Variants in RLIM observed in about 807,000 individuals in gnomAD.
RLIM encodes the protein ring finger protein, LIM domain interacting, also known as E3 ubiquitin-protein ligase RLIM.
RLIM carries 2 observed loss-of-function variants against 34.0 expected under a neutral mutation model. That is an observed-to-expected ratio of 0.06 (90% CI 0.02 to 0.19). The LOEUF is 0.19. RLIM is among the 10% of genes least tolerant of loss of function. The pLI is 1.00. For synonymous variants in RLIM, 169 were observed against 164.0 expected (o/e 1.03, Z -0.23); for missense variants, 286 against 479.7 (o/e 0.60, Z 3.77).
intron 1 of RLIM, among the ~76,000 whole-genome samples, chrX:74,610,396 G>A (rs1043766241): frequency 6.5e-5 from 7 of 107,633 alleles, no homozygotes; most frequent in African/African-American, 2.0e-4. Flanking sequence ...CAGCCTGGGC[G>A]ACAGAGCAAA....
chrX:74,599,424 C>T (rs915383747), intron 1 of RLIM, among the ~76,000 whole-genome samples: 8 of 111,903 alleles, frequency 7.1e-5, no homozygotes, highest in African/African-American at 2.6e-4. Flanking sequence ...ATGTTCCCCA[C>T]GAACACAACT....
chrX:74,603,927 A>C (rs1305005559), intron 1 of RLIM, among the ~76,000 whole-genome samples: 1 of 110,173 alleles, frequency 9.1e-6, no homozygotes, highest in East Asian at 2.8e-4. Flanking sequence ...TGGCCAACAT[A>C]GTGAAACCCC....
At chrX:74,602,650 T>C (rs145279254) in intron 1 of RLIM, among the ~76,000 whole-genome samples, 1,142 of 111,278 alleles carry the variant, frequency 0.01, 19 homozygotes, top group African/African-American at 0.036. Context: ...GGCAGGAGAA[T>C]GGCATGAACC....
intron 1 of RLIM, among the ~76,000 whole-genome samples, chrX:74,597,394 A>G (rs751278439): frequency 8.9e-6 from 1 of 112,199 alleles, no homozygotes; most frequent in South Asian, 3.7e-4. Flanking sequence ...GACAAATGTA[A>G]CTGATACTAC....
rs1213393975 is a variant in RLIM, at chrX:74,603,787, A to C, written c.-23-7787T>G. ...CATGTGAAATTAATCTTAGTAATGT[A>C]TCTTATTGACTCAACATAATCAAAA... On this transcript the variant is annotated intron_variant, in intron 1 of 3. Transcript: ENST00000332687. 3.6e-5 allele frequency among the ~76,000 whole-genome samples: 4 copies of C among 111,765 alleles called. No individual in the cohort carries two copies. In the East Asian group the frequency reaches 1.1e-3, roughly 31 times the overall value.
chrX:74,597,686 C>T (rs188167312), intron 1 of RLIM, among the ~76,000 whole-genome samples: 39 of 112,068 alleles, frequency 3.5e-4, no homozygotes, highest in African/African-American at 1.2e-3. Context: ...TATTTTATTA[C>T]TCATCATCAA....
chrX:74,608,737 T>G (rs182757863), intron 1 of RLIM, among the ~76,000 whole-genome samples: 1 of 112,444 alleles, frequency 8.9e-6, no homozygotes, highest in Admixed American at 9.4e-5. Context: ...AAACAACTTT[T>G]ACTAAAACGC....
At chrX:74,604,265 C>CA (rs2079673639) in intron 1 of RLIM, among the ~76,000 whole-genome samples, 1 of 111,109 alleles carries the variant, frequency 9.0e-6, no homozygotes, top group South Asian at 3.7e-4. Flanking sequence ...TGTAGTTCAG[C>CA]AAAACAATAC....
chrX:74,588,864 CACA>C lies in RLIM; in HGVS notation c.*2573_*2575del, dbSNP rs1237606221. 8.9e-6 allele frequency: 1 copy of C among 111,865 alleles called. No individual in the cohort carries two copies. The highest frequency in any genetic ancestry group is 1.9e-5 in the Non-Finnish European group (1 of 53,215). 9.2% of individuals were successfully genotyped at this position (111,865 alleles called of 1,213,427 possible). ...TACGAATGACCTTGTCTTCAATGTC[CACA>C]ACACTAGTAAGCATGTAATAATCAC... On this transcript the variant is annotated 3_prime_UTR_variant, in exon 4 of 4. Coordinates refer to ENST00000332687, the MANE Select transcript of RLIM (RefSeq NM_016120.4).
Position 74,590,845 on chromosome X carries a change from C to A in RLIM, c.*595G>T, listed in dbSNP as rs2079609609. 1 of 112,685 alleles carries A rather than the reference C, an allele frequency of 8.9e-6. No homozygotes were observed. Among genetic ancestry groups the A allele is most frequent in the Admixed American group, 9.4e-5 (1 of 10,585 alleles). 9.3% of individuals were successfully genotyped at this position (112,685 alleles called of 1,213,427 possible). The stretch of plus-strand genomic sequence containing the variant: ...AAATATCTCAATTAAACTATAAGCT[C>A]ACTCTACAGTGTGCCACAGTGATGG... On this transcript the variant is annotated 3_prime_UTR_variant, in exon 4 of 4. Transcript: ENST00000332687.
chrX:74,614,220 C>T (rs753664784), intron 1 of RLIM, among the ~76,000 whole-genome samples: 2 of 110,320 alleles, frequency 1.8e-5, no homozygotes, highest in South Asian at 3.9e-4. Context: ...AAGAGCCTGT[C>T]GACTATACCA....
At position 74,592,562 on chromosome X, in the gene RLIM, A is replaced by C. The variant is rs774203715; in HGVS notation, c.753T>G (p.Phe251Leu). Residue 251 changes from phenylalanine to leucine, a missense_variant, in exon 4 of 4, where the codon TTT becomes TTG. By Grantham distance (22) the Phe-to-Leu change is conservative (BLOSUM62 0). Coordinates refer to ENST00000332687, the MANE Select transcript of RLIM (RefSeq NM_016120.4). The stretch of plus-strand genomic sequence containing the variant: ...CCGTCTCATTTACCAAAGGATGTTC[A>C]AAAGTCTGAGATGAGATACTATGAT... ...RSHHSISSQT[F>L]EHPLVNETEG... 1.9e-5 allele frequency: 23 copies of C among 1,210,338 alleles called. No individual in the cohort carries two copies. In the East Asian group the frequency reaches 5.0e-4, roughly 26 times the overall value.
At position 74,595,943 on chromosome X, in the gene RLIM, C is replaced by T. The variant is rs2079638020; in HGVS notation, c.35G>A (p.Gly12Asp). The change falls in exon 2 of 4, where the codon GGT becomes GAT. Residue 12 changes from glycine (G) to aspartate (D), a missense_variant. Gly to Asp is a moderately conservative substitution (Grantham distance 94, BLOSUM62 -1). This residue lies in a region of RLIM where 62 missense variants were observed against 71.3 expected (regional missense o/e 0.87). Transcript: ENST00000332687. ...ENSDSNDKGS[G>D]DQSAAQRRSQ... Reference sequence around the variant, plus strand: ...TCTGCGCTGTGCTGCAGACTGATCACCACTTCCTTTGTCATTGGAATCTGA... The same window carrying T: ...TCTGCGCTGTGCTGCAGACTGATCATCACTTCCTTTGTCATTGGAATCTGA... The T allele has an allele frequency of 1.7e-6, 2 of 1,194,516 alleles. No individual in the cohort carries two copies. Among genetic ancestry groups the T allele is most frequent in the East Asian group, 3.0e-5 (1 of 33,583 alleles).
At position 74,595,962 on chromosome X, in the gene RLIM, A is replaced by G. The variant is rs2079638109; in HGVS notation, c.16T>C (p.Ser6Pro). 1 of 1,184,402 alleles carries G rather than the reference A, an allele frequency of 8.4e-7. No homozygotes were observed. The highest frequency in any genetic ancestry group is 1.1e-6 in the Non-Finnish European group (1 of 884,318). The part of the protein sequence containing the change: MENSD[S>P]NDKGSGDQSA... Reference sequence around the variant, plus strand: ...TGATCACCACTTCCTTTGTCATTGGAATCTGAGTTTTCCATATTGATGAAC... The same window carrying G: ...TGATCACCACTTCCTTTGTCATTGGGATCTGAGTTTTCCATATTGATGAAC... The change falls in exon 2 of 4, where the codon TCC becomes CCC. Residue 6 changes from serine (S) to proline (P), a missense_variant. Physicochemically the swap from Ser to Pro is moderately conservative, Grantham distance 74. This residue lies in a region of RLIM where 62 missense variants were observed against 71.3 expected (regional missense o/e 0.87). Transcript: ENST00000332687.
chrX:74,598,183 C>G (rs992460821), intron 1 of RLIM, among the ~76,000 whole-genome samples: 2 of 112,115 alleles, frequency 1.8e-5, no homozygotes, highest in Non-Finnish European at 3.8e-5. Flanking sequence ...GCTCAAACTA[C>G]AGTTCCAGAA....
intron 1 of RLIM, among the ~76,000 whole-genome samples, chrX:74,608,651 A>G (rs750571476): frequency 1.8e-4 from 20 of 112,158 alleles, no homozygotes; most frequent in African/African-American, 5.8e-4. Context: ...TTCTATCTTT[A>G]CCAGTTGAAA....
chrX:74,585,853 T>C lies in RLIM; in HGVS notation c.*5587A>G, dbSNP rs1313924141. 1 of 111,874 alleles carries C rather than the reference T, an allele frequency of 8.9e-6. No individual in the cohort carries two copies. The highest frequency in any genetic ancestry group is 1.9e-5 in the Non-Finnish European group (1 of 53,230). 9.2% of individuals were successfully genotyped at this position (111,874 alleles called of 1,213,427 possible). On this transcript the variant is annotated 3_prime_UTR_variant, in exon 4 of 4. Transcript: ENST00000332687. ...GTGCTCCTCTCTGCTTTTTTGAGTC[T>C]CTCCCGAAGGTCAGGAAGCCCTGGT...
intron 1 of RLIM, among the ~76,000 whole-genome samples, chrX:74,598,386 G>A (rs1657248354): frequency 9.0e-6 from 1 of 111,246 alleles, no homozygotes; most frequent in South Asian, 3.8e-4. Context: ...TCAGCACTTT[G>A]GGAGGCCGAG....
chrX:74,612,999 G>C (rs2079718018), intron 1 of RLIM, among the ~76,000 whole-genome samples: 1 of 111,192 alleles, frequency 9.0e-6, no homozygotes, highest in Admixed American at 9.6e-5. Flanking sequence ...GAACATCATG[G>C]ACTAAAAAAA....
Sources: gnomAD v4.1 joint callset for allele counts (sites outside exome capture counted in the v4.1 genomes callset) on GRCh38, gnomAD v4.1.1 for gene constraint, gnomAD v4.1.1 regional missense constraint, MANE v1.5 for transcripts, NCBI Gene and HGNC (gene_info 2026-07-23, HGNC 2026-07-21) for gene names.